CAPZA1: variants seen among roughly 807,000 people sequenced by gnomAD.
CAPZA1 encodes F-actin-capping protein subunit alpha-1.
CAPZA1 carries 10 observed loss-of-function variants against 40.8 expected under a neutral mutation model. The observed-to-expected ratio is 0.25, with a 90% CI of 0.15 to 0.42. CAPZA1 has a LOEUF of 0.42. Among genes scored for constraint, CAPZA1 ranks in the 10% least tolerant of loss-of-function variants. The pLI is 1.00. For missense variants in CAPZA1, 277 were observed against 353.8 expected, an observed-to-expected ratio of 0.78 and a Z score of 1.74; for synonymous variants, 98 against 115.0, an observed-to-expected ratio of 0.85 and a Z score of 0.95.
At chr1:112,643,842 CTGTTT>C (rs1324756734) in intron 1 of CAPZA1, among the ~76,000 whole-genome samples, 5 of 151,756 alleles carry the variant, frequency 3.3e-5, no homozygotes, top group African/African-American at 1.2e-4. Flanking sequence ...TAAAGTATTT[CTGTTT>C]TGTTTATTTT....
At chr1:112,663,613 T>C (rs945054912) in intron 7 of CAPZA1, among the ~76,000 whole-genome samples, 1 of 152,108 alleles carries the variant, frequency 6.6e-6, no homozygotes, top group African/African-American at 2.4e-5. Context: ...GTGATTCTCC[T>C]GTCTCAGCCT....
At chr1:112,624,703 C>T (rs1262534956) in intron 1 of CAPZA1, among the ~76,000 whole-genome samples, 7 of 151,384 alleles carry the variant, frequency 4.6e-5, no homozygotes, top group African/African-American at 7.3e-5. Context: ...GTGCTTCTAG[C>T]CACCTTGTCA....
intron 1 of CAPZA1, among the ~76,000 whole-genome samples, chr1:112,634,266 AAAAT>A (rs1233781355): frequency 6.6e-6 from 1 of 152,240 alleles, no homozygotes; most frequent in Non-Finnish European, 1.5e-5. Context: ...GAAAATAAGT[AAAAT>A]AAATATTTAC....
At chr1:112,657,002 A>C (rs141994076) in intron 5 of CAPZA1, among the ~76,000 whole-genome samples, 2,034 of 151,742 alleles carry the variant, frequency 0.013, 54 homozygotes, top group African/African-American at 0.047. Context: ...CCTGGGTTCA[A>C]GCGATTCTCC....
At chr1:112,647,106 T>C in intron 1 of CAPZA1, 104 bp from the exon 2 acceptor site, 1 of 557,070 alleles carries the variant, frequency 1.8e-6, no homozygotes, top group African/African-American at 1.9e-5. Flanking sequence ...AAACAGAACA[T>C]TTTTTTCAAG....
At chr1:112,624,190 T>A (rs1670750025) in intron 1 of CAPZA1, among the ~76,000 whole-genome samples, 1 of 152,124 alleles carries the variant, frequency 6.6e-6, no homozygotes, top group South Asian at 2.1e-4. Context: ...AGTGTAAATT[T>A]GTCAGAAAAT....
intron 1 of CAPZA1, among the ~76,000 whole-genome samples, chr1:112,629,561 A>G (rs116811825): frequency 5.3e-4 from 81 of 152,252 alleles, no homozygotes; most frequent in African/African-American, 1.9e-3. Flanking sequence ...TCTTGATTTC[A>G]TTGTTAACTC....
At chr1:112,637,409 AGTGGGCCAAATCCAGTCCACCATCT>A (rs1671042055) in intron 1 of CAPZA1, among the ~76,000 whole-genome samples, 1 of 152,254 alleles carries the variant, frequency 6.6e-6, no homozygotes, top group Admixed American at 6.5e-5. Flanking sequence ...AACTATGGCC[AGTGGGCCAAATCCAGTCCACCATCT>A]GTTTTTGTTT....
intron 1 of CAPZA1, among the ~76,000 whole-genome samples, chr1:112,627,077 T>A (rs962522408): frequency 6.6e-6 from 1 of 152,218 alleles, no homozygotes; most frequent in Non-Finnish European, 1.5e-5. Flanking sequence ...CATTTTACAG[T>A]AGAGTAAACT....
intron 1 of CAPZA1, among the ~76,000 whole-genome samples, chr1:112,635,553 C>CT (rs5777132): frequency 0.6 from 84,370 of 139,508 alleles, 25,795 homozygotes; most frequent in African/African-American, 0.71. Flanking sequence ...TTGTCAAGGA[C>CT]TTTTTTTTTT....
chr1:112,642,474 C>T (rs1671190420), intron 1 of CAPZA1, among the ~76,000 whole-genome samples: 2 of 152,066 alleles, frequency 1.3e-5, no homozygotes, highest in African/African-American at 4.8e-5. Flanking sequence ...TTTGGCCTCC[C>T]AAAGTGCTGG....
At position 112,621,343 on chromosome 1, in the gene CAPZA1, C is replaced by T. The variant is rs1333044815; in HGVS notation, c.39+1460C>T. 4.6e-5 allele frequency among the ~76,000 whole-genome samples: 7 copies of T among 152,068 alleles called. No individual in the cohort carries two copies. The South Asian group carries it at 1.4e-3, about 31-fold the overall frequency. ...CTCGGCTCACTGCAACTTCCGCCTC[C>T]CTGGTTCAAATTATTCTCCTGCCTC... On this transcript the variant is annotated intron_variant, in intron 1 of 9. Transcript: ENST00000263168.
chr1:112,659,454 GGGAAAAAA>G, intron 6 of CAPZA1: 1 of 535,966 alleles, frequency 1.9e-6, no homozygotes, highest in Admixed American at 3.4e-5. Context: ...TCCATTTCAA[GGGAAAAAA>G]GGAAAAATGA....
chr1:112,635,298 A>G (rs565927023), intron 1 of CAPZA1, among the ~76,000 whole-genome samples: 2 of 152,262 alleles, frequency 1.3e-5, no homozygotes, highest in South Asian at 4.1e-4. Context: ...TGAAATCTTT[A>G]ATACATTCAG....
At chr1:112,652,786 T>C (rs909758517) in intron 3 of CAPZA1, among the ~76,000 whole-genome samples, 17 of 152,214 alleles carry the variant, frequency 1.1e-4, no homozygotes, top group African/African-American at 3.9e-4. Flanking sequence ...GTAGCTCTTA[T>C]TTCCATCTTT....
At chr1:112,643,840 TTC>T (rs567152317) in intron 1 of CAPZA1, among the ~76,000 whole-genome samples, 138 of 152,210 alleles carry the variant, frequency 9.1e-4, no homozygotes, top group African/African-American at 3.2e-3. Flanking sequence ...TGTAAAGTAT[TTC>T]TGTTTTGTTT....
chr1:112,652,854 G>T (rs1177179898), intron 3 of CAPZA1, among the ~76,000 whole-genome samples: 1 of 152,180 alleles, frequency 6.6e-6, no homozygotes, highest in African/African-American at 2.4e-5. Context: ...CATTAAAAAT[G>T]CAGAATTTCA....
intron 2 of CAPZA1, 77 bp from the exon 3 acceptor site, chr1:112,649,340 TA>T: frequency 2.8e-6 from 3 of 1,063,622 alleles, no homozygotes; most frequent in Non-Finnish European, 4.4e-6. Context: ...GCCTGACATT[TA>T]AAAATTCAAT....
At chr1:112,638,980 T>G (rs1357254672) in intron 1 of CAPZA1, among the ~76,000 whole-genome samples, 5 of 141,228 alleles carry the variant, frequency 3.5e-5, no homozygotes, top group African/African-American at 1.2e-4. Context: ...AGAGAATAAT[T>G]TATATAATAT....
Sources: gnomAD v4.1 joint callset for allele counts (sites outside exome capture counted in the v4.1 genomes callset) on GRCh38, gnomAD v4.1.1 for gene constraint, MANE v1.5 for transcripts, NCBI Gene and HGNC (gene_info 2026-07-23, HGNC 2026-07-21) for gene names.